Variants in S100PBP observed in about 807,000 individuals in gnomAD.
S100PBP encodes S100P binding protein.
In S100PBP, 15 loss-of-function variants were observed where a neutral mutation model predicts 39.9. The observed-to-expected ratio is 0.38, with a 90% CI of 0.25 to 0.58. S100PBP has a LOEUF of 0.58. S100PBP is among the 20% of genes least tolerant of loss of function. The pLI, the probability that S100PBP is intolerant of heterozygous loss-of-function variation, is 0.70. For missense variants in S100PBP, 504 were observed against 487.3 expected, an observed-to-expected ratio of 1.03 and a Z score of -0.32; for synonymous variants, 178 against 180.3, an observed-to-expected ratio of 0.99 and a Z score of 0.10.
Position 32,856,072 on chromosome 1 carries a change from T to G in S100PBP, c.*34T>G. ...ATCCCATCAGCAATGAAGGTCCCTA[T>G]CCAGGGTCCTGCTTGGAGCAGCATT... On this transcript the variant is annotated 3_prime_UTR_variant, in exon 7 of 7. Coordinates refer to ENST00000373475, the MANE Select transcript of S100PBP (RefSeq NM_022753.4). The G allele has an allele frequency of 1.5e-6, 2 of 1,335,074 alleles. No homozygotes were observed. Among genetic ancestry groups the G allele is most frequent in the Non-Finnish European group, 2.2e-6 (2 of 927,298 alleles). 82.7% of individuals were successfully genotyped at this position (1,335,074 alleles called of 1,614,324 possible).
chr1:32,838,454 A>G (rs934558620), intron 5 of S100PBP, among the ~76,000 whole-genome samples: 4 of 152,176 alleles, frequency 2.6e-5, no homozygotes, highest in African/African-American at 7.2e-5. Flanking sequence ...CTTACCAACA[A>G]TTGGGTATGG....
At chr1:32,853,348 T>C (rs1171642529) in intron 6 of S100PBP, among the ~76,000 whole-genome samples, 182 bp downstream of exon 6, 1 of 151,598 alleles carries the variant, frequency 6.6e-6, no homozygotes, top group Non-Finnish European at 1.5e-5. Flanking sequence ...GTGGCAAGCA[T>C]CTGTAGTCCC....
In S100PBP at chr1:32,853,213, C is replaced by T. The variant is rs765437662; in HGVS notation, c.1112+47C>T. The T allele has an allele frequency of 2.2e-5, 30 of 1,394,462 alleles. No individual in the cohort carries two copies. The Middle Eastern group carries it at 9.8e-4, about 45-fold the overall frequency. The allele number at this position is 1,394,462 out of a possible 1,614,324, so 86.4% of individuals were successfully genotyped here. On this transcript the variant is annotated intron_variant, in intron 6 of 6. Transcript: ENST00000373475. Reference sequence around the variant, plus strand: ...GATGGAAAAGGGTAGAATGGCTGGGCGCGGTGGCTCACACCTGTAATCCCA... The same window carrying T: ...GATGGAAAAGGGTAGAATGGCTGGGTGCGGTGGCTCACACCTGTAATCCCA...
intron 5 of S100PBP, among the ~76,000 whole-genome samples, chr1:32,838,950 A>G (rs1639969149): frequency 6.6e-6 from 1 of 152,094 alleles, no homozygotes; most frequent in Non-Finnish European, 1.5e-5. Flanking sequence ...GGTCTTGCAC[A>G]TCTGAAGCTT....
chr1:32,855,147 A>T (rs1640772319), intron 6 of S100PBP, among the ~76,000 whole-genome samples: 1 of 152,178 alleles, frequency 6.6e-6, no homozygotes, highest in Admixed American at 6.5e-5. Flanking sequence ...ACCTGTGGAG[A>T]TATCTAAAAA....
chr1:32,836,119 A>G (rs1189016478), intron 5 of S100PBP: 4 of 147,546 alleles, frequency 2.7e-5, no homozygotes, highest in Admixed American at 2.7e-4. Context: ...CCTTGCCAGC[A>G]CTTATTTTTT....
At chr1:32,817,554 C>T, upstream of S100PBP, 1 of 554,030 alleles carries the variant, frequency 1.8e-6, no homozygotes, top group East Asian at 3.0e-5. Context: ...TCCTGCCAAT[C>T]ACTGCTGGTT....
upstream of S100PBP, chr1:32,817,046 A>G: frequency 9.5e-7 from 1 of 1,047,432 alleles, no homozygotes; most frequent in Non-Finnish European, 1.5e-6. Context: ...ACCGACCAGC[A>G]GTGAGATCTA....
intron 5 of S100PBP, among the ~76,000 whole-genome samples, chr1:32,852,013 T>C (rs555359060): frequency 6.6e-6 from 1 of 152,262 alleles, no homozygotes; most frequent in Non-Finnish European, 1.5e-5. Flanking sequence ...ACACAGGAGC[T>C]AGTTGAATCC....
chr1:32,842,511 G>T (rs1022533369), intron 5 of S100PBP, among the ~76,000 whole-genome samples: 1 of 151,682 alleles, frequency 6.6e-6, no homozygotes, highest in African/African-American at 2.4e-5. Context: ...TAGAATTAGC[G>T]TATCAATTTC....
intron 1 of S100PBP, among the ~76,000 whole-genome samples, chr1:32,822,958 G>A (rs1639152901): frequency 1.3e-5 from 2 of 152,196 alleles, no homozygotes. Context: ...GAAGGCCTGA[G>A]TTTGGATTCT....
In S100PBP at chr1:32,821,839, A is replaced by C. The variant is rs181831627; in HGVS notation, c.-119-3474A>C. Reference sequence around the variant, plus strand: ...GTTTTAGTAGAAATGGGGTTCCGCCATGTTGGTCAGGCTGGTCTCGAACTC... The same window carrying C: ...GTTTTAGTAGAAATGGGGTTCCGCCCTGTTGGTCAGGCTGGTCTCGAACTC... On this transcript the variant is annotated intron_variant, in intron 1 of 6. Coordinates refer to ENST00000373475, the MANE Select transcript of S100PBP (RefSeq NM_022753.4). Among the ~76,000 whole-genome samples the C allele has an allele frequency of 1.3e-3, 190 of 151,986 alleles. 2 individuals carry two copies. The highest frequency in any genetic ancestry group is 4.4e-3 in the African/African-American group (181 of 41,456).
intron 1 of S100PBP, among the ~76,000 whole-genome samples, chr1:32,820,782 C>T (rs192757663): frequency 1.4e-4 from 22 of 152,182 alleles, no homozygotes; most frequent in Admixed American, 9.2e-4. Flanking sequence ...GCAGAAGGAT[C>T]GCTTGACTCC....
At chr1:32,828,134 C>A in intron 4 of S100PBP, 53 bp downstream of exon 4, 1 of 1,277,210 alleles carries the variant, frequency 7.8e-7, no homozygotes, top group Non-Finnish European at 1.1e-6. Context: ...TCTTCAATTT[C>A]TTTCTTCCCC....
rs1553132298 is a variant in S100PBP, at chr1:32,842,236, T to TACACAC, written c.1025-10814_1025-10809dup. Among the ~76,000 whole-genome samples the TACACAC allele has an allele frequency of 6.8e-4, 55 of 80,852 alleles. 1 individual carries two copies. Among genetic ancestry groups the TACACAC allele is most frequent in the Admixed American group, 1.8e-3 (11 of 6,082 alleles). The allele number at this position is 80,852 out of a possible 152,430, so 53.0% of individuals were successfully genotyped here. A position where few individuals can be genotyped will look rare whatever the true frequency, so the allele number is the denominator to read the frequency against. ...ATATATATATGTATATATATATATA[T>TACACAC]ACACACACACACACACACACACACA... is the stretch of plus-strand genomic sequence containing the variant. On this transcript the variant is annotated intron_variant, in intron 5 of 6. Coordinates refer to ENST00000373475, the MANE Select transcript of S100PBP (RefSeq NM_022753.4).
chr1:32,827,946 A>G (rs780132363), intron 3 of S100PBP, 47 bp from the exon 4 acceptor site: 2 of 1,307,760 alleles, frequency 1.5e-6, no homozygotes, highest in Non-Finnish European at 2.2e-6. Flanking sequence ...TGCTTTTCTT[A>G]TAACTAAGAA....
intron 5 of S100PBP, among the ~76,000 whole-genome samples, chr1:32,852,043 G>A (rs1640631902): frequency 6.6e-6 from 1 of 152,100 alleles, no homozygotes; most frequent in South Asian, 2.1e-4. Flanking sequence ...AAGAATTTCA[G>A]GGCCATGCAT....
intron 4 of S100PBP, among the ~76,000 whole-genome samples, chr1:32,829,001 T>A (rs1432171394): frequency 6.6e-6 from 1 of 152,124 alleles, no homozygotes; most frequent in Non-Finnish European, 1.5e-5. Context: ...GTATAAAAAA[T>A]AAAATAAAAA....
chr1:32,821,487 A>G (rs1230335285), intron 1 of S100PBP, among the ~76,000 whole-genome samples: 5 of 151,446 alleles, frequency 3.3e-5, no homozygotes, highest in Non-Finnish European at 4.4e-5. Context: ...AAGCCCAGCT[A>G]ATTTTTGTAC....
Sources: gnomAD v4.1 joint callset for allele counts (sites outside exome capture counted in the v4.1 genomes callset) on GRCh38, gnomAD v4.1.1 for gene constraint, MANE v1.5 for transcripts, NCBI Gene and HGNC (gene_info 2026-07-23, HGNC 2026-07-21) for gene names.